Variants in PCNP observed in about 807,000 individuals in gnomAD.
PCNP encodes PEST proteolytic signal containing nuclear protein.
In PCNP, 6 loss-of-function variants were observed where a neutral mutation model predicts 21.8. The ratio of observed to expected loss-of-function variants is 0.28; its 90% CI spans 0.15 to 0.54. The LOEUF (loss-of-function observed/expected upper bound fraction) is 0.54. Ranked by LOEUF, PCNP falls within the 20% of genes least tolerant of loss-of-function variation. PCNP has a pLI of 0.95. For missense variants in PCNP, 161 were observed against 215.5 expected (o/e 0.75, Z 1.58); for synonymous variants, 67 against 73.2 (o/e 0.92, Z 0.43).
intron 1 of PCNP, 141 bp downstream of exon 1, chr3:101,574,420 G>A: frequency 9.4e-7 from 1 of 1,065,102 alleles, no homozygotes; most frequent in Non-Finnish European, 1.3e-6. Flanking sequence ...GACCTGCCTC[G>A]GGCACGCCCG....
At position 101,593,517 on chromosome 3, in the gene PCNP, G is replaced by A. The variant is rs549384470; in HGVS notation, c.*764G>A. The A allele has an allele frequency of 6.6e-6, 1 of 152,520 alleles. No individual in the cohort carries two copies. Among genetic ancestry groups the A allele is most frequent in the Non-Finnish European group, 1.5e-5 (1 of 68,020 alleles). The allele number at this position is 152,520 out of a possible 1,614,324, so 9.4% of individuals were successfully genotyped here. ...CCTGTAAGCATTTCCACCAGAACTT[G>A]AGGCAAATCGTAAGGAAGCTGTTTC... On this transcript the variant is annotated 3_prime_UTR_variant, in exon 5 of 5. Transcript: ENST00000265260.
chr3:101,586,170 CAAAAAAAAAAAAAAAAAA>C, intron 3 of PCNP, among the ~76,000 whole-genome samples: 1 of 97,548 alleles, frequency 1.0e-5, no homozygotes, highest in South Asian at 3.6e-4. Context: ...GTCTCTGTCT[CAAAAAAAAAAAAAAAAAA>C]AAAAAAAAAT....
At chr3:101,580,090 T>A in intron 2 of PCNP, 86 bp downstream of exon 2, 1 of 925,536 alleles carries the variant, frequency 1.1e-6, no homozygotes, top group Non-Finnish European at 1.8e-6. Flanking sequence ...TATGGTAAAT[T>A]AAGGGTGAAA....
At chr3:101,579,615 C>T (rs1421112941) in intron 1 of PCNP, 175 bp from the exon 2 acceptor site, 1 of 714,582 alleles carries the variant, frequency 1.4e-6, no homozygotes, top group Non-Finnish European at 2.6e-6. Flanking sequence ...TCTTCTACTG[C>T]CACACAATCT....
At chr3:101,576,888 G>A (rs930697356) in intron 1 of PCNP, 7 of 1,605,736 alleles carry the variant, frequency 4.4e-6, no homozygotes, top group Non-Finnish European at 6.0e-6. Flanking sequence ...GCTGCCCATC[G>A]ATGTTGGTGT....
At chr3:101,576,301 C>G (rs938205668) in intron 1 of PCNP, among the ~76,000 whole-genome samples, 2 of 150,704 alleles carry the variant, frequency 1.3e-5, no homozygotes, top group Non-Finnish European at 2.9e-5. Flanking sequence ...GTGGCGTGAC[C>G]TGGGCGCACT....
At chr3:101,581,874 G>A (rs538843301) in intron 2 of PCNP, among the ~76,000 whole-genome samples, 111 of 151,960 alleles carry the variant, frequency 7.3e-4, no homozygotes, top group African/African-American at 2.4e-3. Flanking sequence ...CCGAGTAGCT[G>A]GGGTTACAGG....
At chr3:101,580,380 A>G (rs1409084436) in intron 2 of PCNP, among the ~76,000 whole-genome samples, 2 of 152,222 alleles carry the variant, frequency 1.3e-5, no homozygotes, top group African/African-American at 4.8e-5. Flanking sequence ...AGTCTGGGCA[A>G]CATAGCAAGA....
intron 3 of PCNP, among the ~76,000 whole-genome samples, chr3:101,588,121 A>C (rs553661550): frequency 1.3e-5 from 2 of 152,154 alleles, no homozygotes; most frequent in Non-Finnish European, 2.9e-5. Context: ...AATACAAAAA[A>C]TTAGCTGGGC....
At chr3:101,590,778 A>C (rs1395814055) in intron 4 of PCNP, among the ~76,000 whole-genome samples, 1 of 151,422 alleles carries the variant, frequency 6.6e-6, no homozygotes, top group African/African-American at 2.4e-5. Context: ...GTAACTCCTG[A>C]GTGCAAGTGA....
At chr3:101,584,835 T>A (rs1361854370) in intron 2 of PCNP, among the ~76,000 whole-genome samples, 2 of 152,168 alleles carry the variant, frequency 1.3e-5, no homozygotes, top group African/African-American at 4.8e-5. Flanking sequence ...ACCTCGTCTC[T>A]ACTAAATATA....
In PCNP at chr3:101,593,670, A is replaced by C. The variant is rs1935923589; in HGVS notation, c.*917A>C. The C allele has an allele frequency of 6.6e-6, 1 of 152,628 alleles. No individual in the cohort carries two copies. Among genetic ancestry groups the C allele is most frequent in the South Asian group, 2.1e-4 (1 of 4,838 alleles). The allele number at this position is 152,628 out of a possible 1,614,324, so 9.5% of individuals were successfully genotyped here. A position where few individuals can be genotyped will look rare whatever the true frequency, so the allele number is the denominator to read the frequency against. On this transcript the variant is annotated 3_prime_UTR_variant, in exon 5 of 5. Coordinates refer to ENST00000265260, the MANE Select transcript of PCNP (RefSeq NM_020357.3). The stretch of plus-strand genomic sequence containing the variant: ...CATTGTATGAAGATGGAAAATAAGA[A>C]GATGCACTTTCTGTAACTTTGTCTA...
At chr3:101,590,751 G>A (rs1456130716) in intron 4 of PCNP, among the ~76,000 whole-genome samples, 7 of 151,968 alleles carry the variant, frequency 4.6e-5, no homozygotes, top group African/African-American at 1.7e-4. Context: ...GTCTCGCTAT[G>A]TTGCCCAGGC....
chr3:101,589,901 T>G, intron 3 of PCNP: 3 of 256,548 alleles, frequency 1.2e-5, no homozygotes, highest in Admixed American at 5.5e-5. Flanking sequence ...CCTCATGCGA[T>G]TATGTTAGGA....
chr3:101,580,246 T>C (rs752235681), intron 2 of PCNP, among the ~76,000 whole-genome samples: 3 of 152,160 alleles, frequency 2.0e-5, no homozygotes, highest in East Asian at 1.9e-4. Context: ...ATAGGGAATA[T>C]GATTTATAAA....
chr3:101,590,003 T>A (rs1559964843), intron 3 of PCNP: 10 of 493,438 alleles, frequency 2.0e-5, no homozygotes, highest in Non-Finnish European at 3.3e-5. Context: ...TTTTCAGCAG[T>A]TTTTTTTCTT....
rs117592412 is a variant in PCNP at position 101,580,281 on chromosome 3, G to A, written c.279+277G>A. On this transcript the variant is annotated intron_variant, in intron 2 of 4. Coordinates refer to ENST00000265260, the MANE Select transcript of PCNP (RefSeq NM_020357.3). ...AATAATAAACTTAGAATTTTTCTGC[G>A]TTGGCTGGGCACAGTGGCTCACACC... Among the ~76,000 whole-genome samples the A allele has an allele frequency of 2.6e-4, 39 of 152,180 alleles. No individual in the cohort carries two copies. In the East Asian group the frequency reaches 3.7e-3, roughly 14 times the overall value.
intron 3 of PCNP, among the ~76,000 whole-genome samples, chr3:101,586,248 A>G (rs113528088): frequency 4.3e-4 from 65 of 151,878 alleles, no homozygotes; most frequent in African/African-American, 1.3e-3. Context: ...TAACAATTCA[A>G]TAGTGCTGGT....
chr3:101,591,826 C>T (rs1459154593), intron 4 of PCNP, among the ~76,000 whole-genome samples: 1 of 135,382 alleles, frequency 7.4e-6, no homozygotes, highest in Non-Finnish European at 1.5e-5. Context: ...GGCTGGAGTG[C>T]AGTGGTGTGA....
Sources: gnomAD v4.1 joint callset for allele counts (sites outside exome capture counted in the v4.1 genomes callset) on GRCh38, gnomAD v4.1.1 for gene constraint, MANE v1.5 for transcripts, NCBI Gene and HGNC (gene_info 2026-07-23, HGNC 2026-07-21) for gene names.